Variants in KIF5C observed in about 807,000 individuals in gnomAD.
The protein encoded by KIF5C is kinesin family member 5C.
A neutral mutation model predicts 125.2 loss-of-function variants in KIF5C; 18 were observed. That is an observed-to-expected ratio of 0.14 (90% CI 0.10 to 0.21). The LOEUF is 0.21. Ranked by LOEUF, KIF5C falls within the 10% of genes least tolerant of loss-of-function variation. The pLI, the probability that KIF5C is intolerant of heterozygous loss-of-function variation, is 1.00. For synonymous variants in KIF5C, 405 were observed against 434.0 expected, an observed-to-expected ratio of 0.93 and a Z score of 0.83; for missense variants, 780 against 1,183.8, an observed-to-expected ratio of 0.66 and a Z score of 5.01.
chr2:148,916,922 C>T (rs911760177), intron 1 of KIF5C, among the ~76,000 whole-genome samples: 1 of 152,170 alleles, frequency 6.6e-6, no homozygotes, highest in Admixed American at 6.5e-5. Flanking sequence ...CATCTACCCT[C>T]TCCTGATCTT....
chr2:148,996,917 C>G (rs1681690246), intron 17 of KIF5C, among the ~76,000 whole-genome samples: 1 of 152,200 alleles, frequency 6.6e-6, no homozygotes, highest in African/African-American at 2.4e-5. Flanking sequence ...TGCACATGAC[C>G]TTGGGCTGCT....
intron 15 of KIF5C, among the ~76,000 whole-genome samples, chr2:148,984,964 TA>T (rs199768504): frequency 6.6e-6 from 1 of 152,050 alleles, no homozygotes; most frequent in Non-Finnish European, 1.5e-5. Flanking sequence ...CTAATTTTTT[TA>T]TTATTATTAT....
chr2:149,004,565 A>AG (rs1681949098), intron 21 of KIF5C, among the ~76,000 whole-genome samples: 1 of 152,232 alleles, frequency 6.6e-6, no homozygotes, highest in Non-Finnish European at 1.5e-5. Flanking sequence ...TCCAAAATGA[A>AG]GGGAAAAAAT....
chr2:149,006,195 A>C (rs768499731), intron 22 of KIF5C, among the ~76,000 whole-genome samples: 46 of 152,212 alleles, frequency 3.0e-4, no homozygotes, highest in African/African-American at 9.4e-4. Flanking sequence ...ATGTGTGTGC[A>C]TATTTGAGTG....
intron 11 of KIF5C, among the ~76,000 whole-genome samples, chr2:148,964,975 G>A (rs920407133): frequency 1.3e-5 from 2 of 152,102 alleles, no homozygotes; most frequent in East Asian, 3.9e-4. Context: ...GGAAGGGAGA[G>A]AAATGGATGA....
At chr2:148,957,397 T>C (rs1435873147) in intron 10 of KIF5C, among the ~76,000 whole-genome samples, 1 of 152,094 alleles carries the variant, frequency 6.6e-6, no homozygotes, top group Non-Finnish European at 1.5e-5. Context: ...AATGTCCAAA[T>C]AGAAAGAAGC....
rs757695770 is a variant in KIF5C at position 149,000,331 on chromosome 2, C to T, written c.2211-92C>T. On this transcript the variant is annotated intron_variant, in intron 19 of 25. Transcript: ENST00000435030. ...GAATTACTGCCTTTATTGTACAGAG[C>T]TAATAGGGTTGGAACAGAACCACGG... is the stretch of plus-strand genomic sequence containing the variant. 6.8e-5 allele frequency: 99 copies of T among 1,458,434 alleles called. No individual in the cohort carries two copies. In the African/African-American group the frequency reaches 1.2e-3, roughly 17 times the overall value. The allele number at this position is 1,458,434 out of a possible 1,614,324, so 90.3% of individuals were successfully genotyped here.
chr2:148,909,268 C>T (rs187333739), intron 1 of KIF5C, among the ~76,000 whole-genome samples: 41 of 152,328 alleles, frequency 2.7e-4, no homozygotes, highest in Admixed American at 1.4e-3. Context: ...CAAGGTTTCA[C>T]GCTTTTGGTC....
chr2:148,977,386 C>T (rs1392990808), intron 12 of KIF5C, among the ~76,000 whole-genome samples: 1 of 152,130 alleles, frequency 6.6e-6, no homozygotes, highest in Non-Finnish European at 1.5e-5. Flanking sequence ...TCCATTTGTC[C>T]CAGGAGAAGA....
At chr2:148,940,071 G>A (rs1047244424) in intron 4 of KIF5C, among the ~76,000 whole-genome samples, 4 of 152,026 alleles carry the variant, frequency 2.6e-5, no homozygotes, top group Admixed American at 1.3e-4. Context: ...GTAATCTATG[G>A]AAATAAGGCC....
At chr2:148,979,502 G>A (rs754796118) in intron 13 of KIF5C, among the ~76,000 whole-genome samples, 3 of 152,076 alleles carry the variant, frequency 2.0e-5, no homozygotes, top group Non-Finnish European at 4.4e-5. Flanking sequence ...TTGAACTCCC[G>A]GCCTCTGGCT....
intron 3 of KIF5C, among the ~76,000 whole-genome samples, chr2:148,933,780 T>C (rs1227857175): frequency 1.4e-5 from 2 of 144,366 alleles, no homozygotes; most frequent in African/African-American, 5.2e-5. Flanking sequence ...ACACACCATA[T>C]ACCACATACC....
At chr2:148,957,608 A>AC (rs1284128633) in intron 10 of KIF5C, among the ~76,000 whole-genome samples, 1 of 150,150 alleles carries the variant, frequency 6.7e-6, no homozygotes, top group Non-Finnish European at 1.5e-5. Context: ...AAAAAAAAAA[A>AC]AAAAAAAAAC....
intron 10 of KIF5C, among the ~76,000 whole-genome samples, chr2:148,951,998 G>A (rs1311857131): frequency 2.0e-5 from 3 of 152,148 alleles, no homozygotes; most frequent in African/African-American, 7.2e-5. Context: ...TTGAAATGTT[G>A]TAGACCTAAT....
chr2:148,937,142 A>T (rs1028556352), intron 3 of KIF5C, 142 bp from the exon 4 acceptor site: 5 of 1,224,468 alleles, frequency 4.1e-6, no homozygotes, highest in East Asian at 2.7e-5. Context: ...AGTCAGGTAG[A>T]TGCCCAAGGG....
At chr2:148,979,056 T>C in intron 13 of KIF5C, 66 bp downstream of exon 13, 1 of 1,426,532 alleles carries the variant, frequency 7.0e-7, no homozygotes, top group Non-Finnish European at 9.2e-7. Context: ...TTGATGTTTG[T>C]TCCAGGAATT....
chr2:148,947,408 C>T (rs73009505), intron 8 of KIF5C: 256 of 196,698 alleles, frequency 1.3e-3, no homozygotes, highest in African/African-American at 5.6e-3. Context: ...ACGAGCTTTG[C>T]CATTGGAATG....
Position 148,981,560 on chromosome 2 carries a change from C to A in KIF5C, c.1568C>A (p.Thr523Lys). 1 of 1,589,870 alleles carries A rather than the reference C, an allele frequency of 6.3e-7. No individual in the cohort carries two copies. Among genetic ancestry groups the A allele is most frequent in the Non-Finnish European group, 8.6e-7 (1 of 1,168,412 alleles). Residue 523 changes from threonine to lysine, a missense_variant and splice_region_variant, in exon 14 of 26, where the codon ACG (threonine) becomes AAG (lysine). By Grantham distance (78) the Thr-to-Lys change is moderately conservative (BLOSUM62 -1). Around this residue, in one of 2 missense-constraint regions of KIF5C, gnomAD observed 573 missense variants for 742.6 expected, o/e 0.77. Coordinates refer to ENST00000435030, the MANE Select transcript of KIF5C (RefSeq NM_004522.3). The stretch of plus-strand genomic sequence containing the variant: ...CTGACAGACGAGCTGGCCCAGAAAA[C>A]GGTTGGAGCATTTGTGTCTAGGGGG... ...EQLTDELAQK[T>K]TTLTTTQREL...
chr2:148,927,603 G>GT (rs766461099), intron 2 of KIF5C, among the ~76,000 whole-genome samples: 102 of 152,278 alleles, frequency 6.7e-4, no homozygotes, highest in Non-Finnish European at 6.6e-4. Flanking sequence ...ATAGGCTGGA[G>GT]TTTTTTGTGT....
Sources: gnomAD v4.1 joint callset for allele counts (sites outside exome capture counted in the v4.1 genomes callset) on GRCh38, gnomAD v4.1.1 for gene constraint, gnomAD v4.1.1 regional missense constraint, MANE v1.5 for transcripts, NCBI Gene and HGNC (gene_info 2026-07-23, HGNC 2026-07-21) for gene names.